The following ACMSD variants were observed in gnomAD, a reference collection of about 807,000 sequenced individuals.
ACMSD encodes aminocarboxymuconate semialdehyde decarboxylase.
ACMSD carries 37 observed loss-of-function variants against 45.9 expected under a neutral mutation model. That is an observed-to-expected ratio of 0.81 (90% CI 0.62 to 1.06). ACMSD has a LOEUF of 1.06. ACMSD is among the 50% of genes least tolerant of loss of function. The probability of loss-of-function intolerance (pLI) is 0.00; values close to 1 mark genes in which losing one functional copy is unlikely to be tolerated. For missense variants in ACMSD, 434 were observed against 420.9 expected (o/e 1.03, Z -0.27); for synonymous variants, 138 against 148.8 (o/e 0.93, Z 0.53).
At chr2:134,883,773 A>C (rs920481059) in intron 8 of ACMSD, among the ~76,000 whole-genome samples, 5 of 152,204 alleles carry the variant, frequency 3.3e-5, no homozygotes, top group African/African-American at 4.8e-5. Flanking sequence ...TGCTACAATT[A>C]CAGGTGTGAG....
At chr2:134,898,288 A>G in intron 8 of ACMSD, 53 bp from the exon 9 acceptor site, 1 of 1,091,508 alleles carries the variant, frequency 9.2e-7, no homozygotes, top group Non-Finnish European at 1.3e-6. Context: ...TGTTTACAGG[A>G]GGCTCTTTCA....
At chr2:134,898,512 T>C (rs1287485414) in intron 9 of ACMSD, 73 bp downstream of exon 9, 2 of 989,476 alleles carry the variant, frequency 2.0e-6, no homozygotes, top group South Asian at 2.1e-5. Context: ...TCAGAGCACT[T>C]TGATATATAA....
intron 2 of ACMSD, among the ~76,000 whole-genome samples, chr2:134,850,268 TC>T (rs1166179903): frequency 8.7e-6 from 1 of 114,566 alleles, no homozygotes; most frequent in Non-Finnish European, 1.8e-5. Context: ...AAAATAGATT[TC>T]TTTTTTTTTT....
intron 7 of ACMSD, among the ~76,000 whole-genome samples, chr2:134,871,672 TC>T (rs1688443229): frequency 9.5e-6 from 1 of 105,038 alleles, no homozygotes; most frequent in African/African-American, 4.0e-5. Context: ...TTGTGACCCT[TC>T]AACAGACAGA....
At chr2:134,869,418 G>T (rs1688306686) in intron 6 of ACMSD, among the ~76,000 whole-genome samples, 1 of 151,918 alleles carries the variant, frequency 6.6e-6, no homozygotes, top group East Asian at 1.9e-4. Context: ...TCACCATGTT[G>T]GCCAGGCTGT....
intron 2 of ACMSD, among the ~76,000 whole-genome samples, chr2:134,855,093 C>T (rs1241938619): frequency 6.6e-6 from 1 of 152,074 alleles, no homozygotes; most frequent in Non-Finnish European, 1.5e-5. Context: ...AATGAAAAGA[C>T]ATGTGTTCCT....
chr2:134,864,820 T>C (rs1688021075), intron 5 of ACMSD, among the ~76,000 whole-genome samples: 1 of 152,324 alleles, frequency 6.6e-6, no homozygotes, highest in South Asian at 2.1e-4. Context: ...TTCTGAAATA[T>C]CCAACTTCAA....
intron 8 of ACMSD, among the ~76,000 whole-genome samples, chr2:134,897,827 T>C (rs1690251205): frequency 6.6e-6 from 1 of 151,648 alleles, no homozygotes; most frequent in African/African-American, 2.4e-5. Flanking sequence ...AGGAATTGTT[T>C]ATAGGAACTG....
chr2:134,842,450 C>A (rs1408192376), intron 1 of ACMSD, among the ~76,000 whole-genome samples: 1 of 152,146 alleles, frequency 6.6e-6, no homozygotes, highest in Non-Finnish European at 1.5e-5. Context: ...TGGAATAAGA[C>A]TGTCGCCACA....
intron 8 of ACMSD, among the ~76,000 whole-genome samples, chr2:134,884,880 C>T (rs1689233716): frequency 6.6e-6 from 1 of 151,968 alleles, no homozygotes; most frequent in South Asian, 2.1e-4. Context: ...CTCAAATTTA[C>T]AGTATTTAAA....
At chr2:134,893,065 AT>A (rs891756387) in intron 8 of ACMSD, among the ~76,000 whole-genome samples, 8 of 151,996 alleles carry the variant, frequency 5.3e-5, no homozygotes, top group Non-Finnish European at 1.0e-4. Flanking sequence ...AATGCATTTG[AT>A]TTTTTCTTTA....
intron 2 of ACMSD, among the ~76,000 whole-genome samples, chr2:134,854,718 A>G (rs1298203605): frequency 2.0e-5 from 3 of 152,250 alleles, no homozygotes; most frequent in African/African-American, 7.2e-5. Context: ...TACCTCAAGA[A>G]AGCAGAATTT....
chr2:134,871,713 AAT>A (rs1365413240), intron 7 of ACMSD, among the ~76,000 whole-genome samples: 141 of 149,822 alleles, frequency 9.4e-4, no homozygotes, highest in Non-Finnish European at 3.1e-4. Context: ...ACACACACAC[AAT>A]CAAACTACAC....
At position 134,838,660 on chromosome 2, in the gene ACMSD, CATGCT is replaced by C; in HGVS notation, c.-22_-18del. The C allele has an allele frequency of 6.3e-7, 1 of 1,599,004 alleles. No individual in the cohort carries two copies. The highest frequency in any genetic ancestry group is 8.5e-7 in the Non-Finnish European group (1 of 1,171,186). On this transcript the variant is annotated 5_prime_UTR_variant, in exon 1 of 10. The change abolishes an upstream ATG in the 5' untranslated region. Transcript: ENST00000356140. ...CTTGATATCAAAACTTCTTTCCTTG[CATGCT>C]TCTCTGATCCTGTGGAGATGAAAAT...
intron 4 of ACMSD, chr2:134,862,932 G>C (rs1687914573): frequency 1.8e-5 from 18 of 982,190 alleles, no homozygotes; most frequent in Admixed American, 6.1e-5. Flanking sequence ...AAGAAGGACA[G>C]AGAGGAGGAC....
chr2:134,865,233 C>G (rs186356284), intron 5 of ACMSD, among the ~76,000 whole-genome samples: 1 of 152,196 alleles, frequency 6.6e-6, no homozygotes, highest in East Asian at 1.9e-4. Flanking sequence ...CCTCAATATA[C>G]TGAACTCCCT....
chr2:134,862,847 G>A (rs1282978361), intron 4 of ACMSD: 3 of 415,394 alleles, frequency 7.2e-6, no homozygotes, highest in African/African-American at 4.3e-5. Flanking sequence ...GAAGAAGGGA[G>A]CATTAGGAAA....
intron 8 of ACMSD, among the ~76,000 whole-genome samples, chr2:134,875,023 C>T (rs1688661107): frequency 6.6e-6 from 1 of 152,138 alleles, no homozygotes; most frequent in African/African-American, 2.4e-5. Flanking sequence ...GAAAGTGAGT[C>T]AGGGTTTCAC....
intron 4 of ACMSD, chr2:134,863,054 G>C: frequency 1.0e-6 from 1 of 976,074 alleles, no homozygotes; most frequent in Non-Finnish European, 1.2e-6. Context: ...CCTCCTGGGA[G>C]GTAGGGGGGC....
Sources: allele counts gnomAD v4.1 joint callset (sites outside exome capture counted in the v4.1 genomes callset), GRCh38; gene constraint gnomAD v4.1.1; transcripts MANE v1.5; gene names NCBI Gene and HGNC (gene_info 2026-07-23, HGNC 2026-07-21).